FHIT: variants seen among roughly 807,000 people sequenced by gnomAD.
The protein encoded by FHIT is fragile histidine triad diadenosine triphosphatase.
FHIT carries 19 observed loss-of-function variants against 17.9 expected under a neutral mutation model. The observed-to-expected ratio is 1.06, with a 90% CI of 0.74 to 1.56. The LOEUF (loss-of-function observed/expected upper bound fraction) is 1.56. Ranked by LOEUF, FHIT falls within the 40% of genes most tolerant of loss-of-function variation. The pLI, the probability that FHIT is intolerant of heterozygous loss-of-function variation, is 0.00. For missense variants in FHIT, 248 were observed against 189.2 expected, an observed-to-expected ratio of 1.31 and a Z score of -1.82; for synonymous variants, 81 against 69.7, an observed-to-expected ratio of 1.16 and a Z score of -0.81.
intron 5 of FHIT, among the ~76,000 whole-genome samples, chr3:60,273,414 C>T (rs932561103): frequency 7.9e-5 from 12 of 152,108 alleles, no homozygotes; most frequent in Admixed American, 7.2e-4. Context: ...CAAGACCAGC[C>T]TGGCCAACAT....
At chr3:61,243,764 A>C (rs368174991) in intron 1 of FHIT, among the ~76,000 whole-genome samples, 106 of 152,254 alleles carry the variant, frequency 7.0e-4, no homozygotes, top group African/African-American at 2.6e-3. Context: ...CAGGACGAGA[A>C]ACACAACCTG....
intron 4 of FHIT, among the ~76,000 whole-genome samples, chr3:60,569,798 C>CTGGA (rs1379302184): frequency 1.2e-4 from 16 of 129,056 alleles, no homozygotes; most frequent in Non-Finnish European, 2.0e-4. Flanking sequence ...GTCACCCAGG[C>CTGGA]TGGAGTGCAA....
chr3:60,192,716 C>G (rs899113726), intron 5 of FHIT, among the ~76,000 whole-genome samples: 3 of 152,178 alleles, frequency 2.0e-5, no homozygotes, highest in African/African-American at 7.2e-5. Flanking sequence ...CTTTATTTCA[C>G]CCCACACTCT....
intron 8 of FHIT, among the ~76,000 whole-genome samples, chr3:59,902,641 G>A (rs1022916376): frequency 3.3e-5 from 5 of 151,998 alleles, no homozygotes; most frequent in South Asian, 2.1e-4. Flanking sequence ...CCTGCCATTC[G>A]CAAAAACATG....
chr3:61,036,902 T>TA (rs2033270975), intron 3 of FHIT, among the ~76,000 whole-genome samples: 1 of 45,074 alleles, frequency 2.2e-5, no homozygotes, highest in Admixed American at 2.5e-4. Flanking sequence ...GTCTGCTTTG[T>TA]TTTTTTTTTT....
intron 3 of FHIT, among the ~76,000 whole-genome samples, chr3:60,997,957 T>C (rs2030795953): frequency 6.6e-6 from 1 of 152,198 alleles, no homozygotes; most frequent in African/African-American, 2.4e-5. Flanking sequence ...AGCCTATATC[T>C]GATTATACCT....
chr3:59,972,773 T>C (rs77029923), intron 7 of FHIT, among the ~76,000 whole-genome samples: 2,032 of 152,224 alleles, frequency 0.013, 50 homozygotes, highest in African/African-American at 0.045. Flanking sequence ...CAGGTCTCAG[T>C]AGTACTCCTG....
chr3:59,952,095 A>G (rs1707145118), intron 7 of FHIT, among the ~76,000 whole-genome samples: 2 of 152,188 alleles, frequency 1.3e-5, no homozygotes, highest in Non-Finnish European at 2.9e-5. Flanking sequence ...GCTTTGACTG[A>G]AAGTTCTTGG....
At chr3:60,727,861 G>A (rs1312095790) in intron 4 of FHIT, among the ~76,000 whole-genome samples, 1 of 152,140 alleles carries the variant, frequency 6.6e-6, no homozygotes, top group Admixed American at 6.5e-5. Flanking sequence ...AAAATTAGCT[G>A]GGCATGGTGG....
intron 4 of FHIT, among the ~76,000 whole-genome samples, chr3:60,810,776 C>G (rs1040369234): frequency 2.0e-5 from 3 of 152,150 alleles, no homozygotes; most frequent in Non-Finnish European, 4.4e-5. Context: ...CAAGGTGGAG[C>G]TTTCTGAGCC....
At chr3:59,949,425 T>C (rs62238356) in intron 7 of FHIT, among the ~76,000 whole-genome samples, 1 of 152,164 alleles carries the variant, frequency 6.6e-6, no homozygotes, top group East Asian at 1.9e-4. Context: ...TCCACTAATG[T>C]CCACCAAGTG....
chr3:61,033,719 T>C (rs962706996), intron 3 of FHIT, among the ~76,000 whole-genome samples: 2 of 152,228 alleles, frequency 1.3e-5, no homozygotes, highest in Non-Finnish European at 2.9e-5. Context: ...ACTTTATGTC[T>C]GTTTTTAATA....
intron 2 of FHIT, among the ~76,000 whole-genome samples, chr3:61,047,683 A>G (rs917431843): frequency 1.3e-5 from 2 of 152,216 alleles, no homozygotes; most frequent in Non-Finnish European, 2.9e-5. Flanking sequence ...AGTCAATCCT[A>G]AGCCAAAAGA....
At position 60,039,479 on chromosome 3, in the gene FHIT, G is replaced by A. The variant is rs764297550; in HGVS notation, c.104-25327C>T. The stretch of plus-strand genomic sequence containing the variant: ...GATGGAAAAATACTGCTGAGGGGAA[G>A]GCTGCTTAGGTGATGGGCAAGAGAG... On this transcript the variant is annotated intron_variant, in intron 5 of 9. Transcript: ENST00000492590. Among the ~76,000 whole-genome samples the A allele has an allele frequency of 3.4e-4, 52 of 152,118 alleles. 2 individuals are homozygous for A. Among genetic ancestry groups the A allele is most frequent in the Non-Finnish European group, 1.5e-5 (1 of 68,028 alleles).
At chr3:59,862,185 C>T (rs976495437) in intron 8 of FHIT, among the ~76,000 whole-genome samples, 2 of 152,206 alleles carry the variant, frequency 1.3e-5, no homozygotes, top group Admixed American at 6.5e-5. Flanking sequence ...GGAGACCTCA[C>T]AATCATGGTG....
intron 4 of FHIT, among the ~76,000 whole-genome samples, chr3:60,727,988 G>A (rs1369860348): frequency 6.6e-6 from 1 of 152,128 alleles, no homozygotes; most frequent in Non-Finnish European, 1.5e-5. Flanking sequence ...TGGGCGACAG[G>A]GCGAGACTCC....
chr3:60,635,234 CTATT>C (rs1301537784), intron 4 of FHIT, among the ~76,000 whole-genome samples: 2 of 151,980 alleles, frequency 1.3e-5, no homozygotes, highest in South Asian at 2.1e-4. Context: ...TAAATTCAGC[CTATT>C]TGTTTCCTTT....
Position 60,275,243 on chromosome 3 carries a change from A to C in FHIT, c.104-261091T>G, listed in dbSNP as rs1008271328. On this transcript the variant is annotated intron_variant, in intron 5 of 9. Coordinates refer to ENST00000492590, the MANE Select transcript of FHIT (RefSeq NM_002012.4). ...TCTGGAAGAAAAGAAAAAAAAAAAA[A>C]AACTATGAATCAACTAACTTACTTA... 6.6e-4 allele frequency among the ~76,000 whole-genome samples: 100 copies of C among 152,056 alleles called. 1 individual carries two copies. Among genetic ancestry groups the C allele is most frequent in the Middle Eastern group, 6.8e-3 (2 of 294 alleles).
At chr3:60,091,899 C>A (rs1321849404) in intron 5 of FHIT, among the ~76,000 whole-genome samples, 1 of 152,090 alleles carries the variant, frequency 6.6e-6, no homozygotes, top group Non-Finnish European at 1.5e-5. Context: ...GCCAATTAAA[C>A]CTCTTTTCTT....
Sources: allele counts gnomAD v4.1 joint callset (sites outside exome capture counted in the v4.1 genomes callset), GRCh38; gene constraint gnomAD v4.1.1; transcripts MANE v1.5; gene names NCBI Gene and HGNC (gene_info 2026-07-23, HGNC 2026-07-21).